The following PARP8 variants were observed in gnomAD, a reference collection of about 807,000 sequenced individuals.
The protein encoded by PARP8 is protein mono-ADP-ribosyltransferase PARP8.
In PARP8, 51 loss-of-function variants were observed where a neutral mutation model predicts 124.1. The ratio of observed to expected loss-of-function variants is 0.41; its 90% confidence interval spans 0.33 to 0.52. The LOEUF is 0.52. Ranked by LOEUF, PARP8 falls within the 20% of genes least tolerant of loss-of-function variation. PARP8 has a pLI of 0.21. For missense variants in PARP8, 860 were observed against 1,018.9 expected (o/e 0.84, Z 2.12); for synonymous variants, 391 against 361.5 (o/e 1.08, Z -0.93).
intron 2 of PARP8, among the ~76,000 whole-genome samples, chr5:50,673,077 A>G (rs1216795402): frequency 6.6e-6 from 1 of 152,166 alleles, no homozygotes; most frequent in Non-Finnish European, 1.5e-5. Context: ...CCATACTTTT[A>G]TGTTATATCA....
chr5:50,786,711 A>C (rs1336405515), intron 9 of PARP8, among the ~76,000 whole-genome samples: 3 of 151,884 alleles, frequency 2.0e-5, no homozygotes, highest in Non-Finnish European at 4.4e-5. Flanking sequence ...AGCACTCTGG[A>C]ATCTTCCATC....
chr5:50,702,128 T>C (rs755884822), intron 2 of PARP8, among the ~76,000 whole-genome samples: 2 of 152,148 alleles, frequency 1.3e-5, no homozygotes, highest in Non-Finnish European at 2.9e-5. Context: ...TTCGTTTGCT[T>C]TTTCTTTAGA....
chr5:50,707,632 AGAGAG>A (rs1754289825), intron 2 of PARP8, among the ~76,000 whole-genome samples: 1 of 18,126 alleles, frequency 5.5e-5, no homozygotes. Flanking sequence ...GGAGACAGAG[AGAGAG>A]AGAGAGAGAG....
chr5:50,764,910 T>C (rs1488229092), intron 7 of PARP8, among the ~76,000 whole-genome samples: 1 of 152,140 alleles, frequency 6.6e-6, no homozygotes, highest in East Asian at 1.9e-4. Context: ...CCAAAATATG[T>C]CTATGGGATA....
intron 9 of PARP8, among the ~76,000 whole-genome samples, chr5:50,780,119 CAATG>C (rs1395139770): frequency 1.3e-5 from 2 of 152,128 alleles, no homozygotes; most frequent in South Asian, 2.1e-4. Flanking sequence ...ATAAAGTTGA[CAATG>C]AATTTTATAA....
At chr5:50,810,875 G>A (rs1314223682) in intron 14 of PARP8, among the ~76,000 whole-genome samples, 1 of 151,838 alleles carries the variant, frequency 6.6e-6, no homozygotes, top group Non-Finnish European at 1.5e-5. Context: ...TATGGTGTAT[G>A]GTATATAAAT....
At chr5:50,819,534 G>A (rs1204855118) in intron 15 of PARP8, among the ~76,000 whole-genome samples, 2 of 139,816 alleles carry the variant, frequency 1.4e-5, no homozygotes, top group East Asian at 4.5e-4. Flanking sequence ...TCCAGCTCCC[G>A]GGTTCAAGCA....
In PARP8 at chr5:50,817,853, G is replaced by T. The variant is rs182949646; in HGVS notation, c.1668+2329G>T. Among the ~76,000 whole-genome samples the T allele has an allele frequency of 3.2e-4, 49 of 152,274 alleles. 1 individual carries two copies. In the East Asian group the frequency reaches 6.9e-3, roughly 22 times the overall value. ...AATTTTTCTCATTTGCCTGAAAGGG[G>T]TGTGTGTGGGGAGGGTTGCTCTGCC... On this transcript the variant is annotated intron_variant, in intron 15 of 25. Coordinates refer to ENST00000281631, the MANE Select transcript of PARP8 (RefSeq NM_024615.4).
intron 2 of PARP8, 110 bp downstream of exon 2, chr5:50,668,235 G>A: frequency 9.6e-7 from 1 of 1,045,568 alleles, no homozygotes; most frequent in East Asian, 2.4e-5. Context: ...TTTGATTATT[G>A]TGGCTTTTCT....
chr5:50,765,772 T>C (rs1760996236), intron 7 of PARP8, among the ~76,000 whole-genome samples: 3 of 152,222 alleles, frequency 2.0e-5, no homozygotes, highest in Admixed American at 6.5e-5. Flanking sequence ...GAATTTACTG[T>C]CTAGTTTCAA....
intron 10 of PARP8, among the ~76,000 whole-genome samples, chr5:50,792,971 G>A (rs1742131704): frequency 6.6e-6 from 1 of 152,102 alleles, no homozygotes; most frequent in South Asian, 2.1e-4. Flanking sequence ...AGTCACATCT[G>A]TCCCTTTTGA....
intron 9 of PARP8, among the ~76,000 whole-genome samples, chr5:50,787,781 A>G (rs1432004460): frequency 4.6e-5 from 7 of 151,674 alleles, no homozygotes; most frequent in African/African-American, 7.2e-5. Context: ...AAATATATGT[A>G]TATATGTATT....
chr5:50,734,461 T>C (rs1757288965), intron 2 of PARP8, among the ~76,000 whole-genome samples: 1 of 152,154 alleles, frequency 6.6e-6, no homozygotes, highest in African/African-American at 2.4e-5. Context: ...ATATATTTAG[T>C]CCTTCATGAT....
chr5:50,750,128 T>G (rs1759068464), intron 2 of PARP8, 23 bp from the exon 3 acceptor site: 1 of 1,552,268 alleles, frequency 6.4e-7, no homozygotes, highest in Non-Finnish European at 8.8e-7. Context: ...ACTTGAGCCT[T>G]TTTTGTTTGT....
intron 2 of PARP8, among the ~76,000 whole-genome samples, chr5:50,698,655 T>C (rs1444349780): frequency 1.3e-5 from 2 of 152,170 alleles, no homozygotes; most frequent in Non-Finnish European, 2.9e-5. Flanking sequence ...AATCAGTCTT[T>C]TATCCTGATG....
chr5:50,707,796 TAA>T (rs1754314562), intron 2 of PARP8, among the ~76,000 whole-genome samples: 1 of 152,122 alleles, frequency 6.6e-6, no homozygotes, highest in African/African-American at 2.4e-5. Flanking sequence ...CAAACAGTAC[TAA>T]GAGTCTTATA....
intron 8 of PARP8, 63 bp from the exon 9 acceptor site, chr5:50,778,497 G>GT (rs903087266): frequency 0.027 from 30,203 of 1,121,634 alleles, no homozygotes; most frequent in South Asian, 0.031. Context: ...AAGTTTGTGT[G>GT]TTTTTTTTTT....
At chr5:50,710,411 C>CT (rs1185722161) in intron 2 of PARP8, among the ~76,000 whole-genome samples, 1 of 152,018 alleles carries the variant, frequency 6.6e-6, no homozygotes, top group African/African-American at 2.4e-5. Context: ...TGCCTTAGAA[C>CT]TTTATCAGCA....
intron 2 of PARP8, among the ~76,000 whole-genome samples, chr5:50,687,915 C>G (rs985656246): frequency 6.6e-6 from 1 of 152,138 alleles, no homozygotes; most frequent in African/African-American, 2.4e-5. Flanking sequence ...ACAATCTTGT[C>G]TCCTTGTAGC....
Sources: gnomAD v4.1 joint callset for allele counts (sites outside exome capture counted in the v4.1 genomes callset) on GRCh38, gnomAD v4.1.1 for gene constraint, MANE v1.5 for transcripts, NCBI Gene and HGNC (gene_info 2026-07-23, HGNC 2026-07-21) for gene names.